The following RWDD3 variants were observed in gnomAD, a reference collection of about 807,000 sequenced individuals.
RWDD3 encodes the protein RWD domain-containing protein 3.
A neutral mutation model predicts 26.5 loss-of-function variants in RWDD3; 30 were observed. The ratio of observed to expected loss-of-function variants is 1.13; its 90% CI spans 0.85 to 1.54. The LOEUF is 1.54. Among genes scored for constraint, RWDD3 ranks in the 40% most tolerant of loss-of-function variants. RWDD3 has a pLI of 0.00. For missense variants in RWDD3, 296 were observed against 309.1 expected, an observed-to-expected ratio of 0.96 and a Z score of 0.32; for synonymous variants, 113 against 114.5, an observed-to-expected ratio of 0.99 and a Z score of 0.09.
intron 1 of RWDD3, among the ~76,000 whole-genome samples, chr1:95,234,900 CT>C (rs575848316): frequency 2.2e-3 from 326 of 145,732 alleles, no homozygotes; most frequent in Admixed American, 2.0e-3. Flanking sequence ...TTTTCTGATA[CT>C]TTTTTTTTTT....
intron 1 of RWDD3, among the ~76,000 whole-genome samples, chr1:95,241,061 A>G (rs1680598006): frequency 6.6e-6 from 1 of 151,870 alleles, no homozygotes; most frequent in African/African-American, 2.4e-5. Flanking sequence ...AAGCAAACAA[A>G]AACAAAAAAC....
intron 1 of RWDD3, among the ~76,000 whole-genome samples, chr1:95,237,914 C>A (rs1571840664): frequency 6.6e-6 from 1 of 152,158 alleles, no homozygotes. Context: ...GAAAATAGTT[C>A]TTGGAAAGCA....
intron 1 of RWDD3, among the ~76,000 whole-genome samples, chr1:95,235,136 T>C (rs1240418489): frequency 6.6e-6 from 1 of 151,506 alleles, no homozygotes; most frequent in Non-Finnish European, 1.5e-5. Flanking sequence ...AACCTCCGCC[T>C]CCCGGGTTCA....
chr1:95,242,605 A>G (rs964994679), intron 1 of RWDD3, among the ~76,000 whole-genome samples: 1 of 152,210 alleles, frequency 6.6e-6, no homozygotes, highest in Non-Finnish European at 1.5e-5. Flanking sequence ...CTTTAACAAT[A>G]AAGTATTTTT....
At position 95,246,875 on chromosome 1, in the gene RWDD3, G is replaced by C. The variant is rs769132189; in HGVS notation, c.*5G>C. Reference sequence around the variant, plus strand: ...GTACTTGCTCTGGTAAAATGAAATGGAAGACAGGAATCTTTTAGTAAAATA... The same window carrying C: ...GTACTTGCTCTGGTAAAATGAAATGCAAGACAGGAATCTTTTAGTAAAATA... On this transcript the variant is annotated 3_prime_UTR_variant, in exon 4 of 4. Transcript: ENST00000370202. 6.2e-6 allele frequency: 9 copies of C among 1,463,078 alleles called. No individual in the cohort carries two copies. Among genetic ancestry groups the C allele is most frequent in the African/African-American group, 1.4e-5 (1 of 69,154 alleles). 90.6% of individuals were successfully genotyped at this position (1,463,078 alleles called of 1,614,324 possible).
chr1:95,234,222 C>A lies in RWDD3; in HGVS notation c.-9C>A, dbSNP rs1320180791. 1.3e-6 allele frequency: 2 copies of A among 1,579,310 alleles called. No individual in the cohort carries two copies. Among genetic ancestry groups the A allele is most frequent in the African/African-American group, 1.3e-5 (1 of 74,252 alleles). On this transcript the variant is annotated 5_prime_UTR_variant, in exon 1 of 4. Transcript: ENST00000370202. Reference sequence around the variant, plus strand: ...AAGGGGAAGCGCTGAGGCGGTGGGGCCCACAGCCATGGCGGAGCCTGTGCA... The same window carrying A: ...AAGGGGAAGCGCTGAGGCGGTGGGGACCACAGCCATGGCGGAGCCTGTGCA...
intron 1 of RWDD3, chr1:95,237,431 C>G (rs1680407924): frequency 6.6e-6 from 1 of 151,808 alleles, no homozygotes; most frequent in Non-Finnish European, 1.5e-5. Context: ...AAGACTCAGA[C>G]TGCTAACCCA....
intron 1 of RWDD3, among the ~76,000 whole-genome samples, chr1:95,240,298 T>A (rs1238049500): frequency 6.6e-6 from 1 of 152,216 alleles, no homozygotes; most frequent in Non-Finnish European, 1.5e-5. Flanking sequence ...AAGAGCTGTA[T>A]GACTGTACAA....
intron 1 of RWDD3, chr1:95,239,812 T>G: frequency 7.8e-7 from 1 of 1,287,480 alleles, no homozygotes; most frequent in Non-Finnish European, 1.0e-6. Flanking sequence ...TGAAAATTGG[T>G]AAGGACTGAC....
Position 95,246,630 on chromosome 1 carries a change from A to C in RWDD3, c.662A>C (p.Glu221Ala). ...GAGAAAATGATTAGTGTACTGTTTGAAACAAAAGTACAGACAGAACACAAA... is the reference window on the plus strand; with the variant it reads ...GAGAAAATGATTAGTGTACTGTTTGCAACAAAAGTACAGACAGAACACAAA... The part of the protein sequence containing the change: ...CKEKMISVLF[E>A]TKVQTEHKRF... Residue 221 changes from glutamate (E) to alanine (A), a missense_variant, in exon 3 of 4, where the codon GAA (glutamate) becomes GCA (alanine). Transcript: ENST00000370202. 1 of 1,609,892 alleles carries C rather than the reference A, an allele frequency of 6.2e-7. No individual in the cohort carries two copies. The highest frequency in any genetic ancestry group is 8.5e-7 in the Non-Finnish European group (1 of 1,176,764).
chr1:95,245,241 A>G lies in RWDD3; in HGVS notation c.573+543A>G, dbSNP rs74853228. Reference sequence around the variant, plus strand: ...TAGGGCTGTCAACTTGTCACCTCCTACCTAACTTTTGCTTTCCACCTGACT... The same window carrying G: ...TAGGGCTGTCAACTTGTCACCTCCTGCCTAACTTTTGCTTTCCACCTGACT... On this transcript the variant is annotated intron_variant, in intron 2 of 3. Coordinates refer to ENST00000370202, the MANE Select transcript of RWDD3 (RefSeq NM_015485.5). 4.7e-3 allele frequency among the ~76,000 whole-genome samples: 712 copies of G among 152,250 alleles called. 7 individuals carry two copies. Among genetic ancestry groups the G allele is most frequent in the Non-Finnish European group, 7.7e-3 (527 of 68,008 alleles).
At chr1:95,234,712 T>C (rs1235414752) in intron 1 of RWDD3, among the ~76,000 whole-genome samples, 1 of 151,170 alleles carries the variant, frequency 6.6e-6, no homozygotes, top group African/African-American at 2.4e-5. Context: ...CCGAGAGCAC[T>C]CCCCGGTTCT....
At chr1:95,234,454 C>T (rs1680194785) in intron 1 of RWDD3, 139 bp downstream of exon 1, 4 of 773,490 alleles carry the variant, frequency 5.2e-6, no homozygotes, top group Non-Finnish European at 8.4e-6. Context: ...GATGGAATGA[C>T]ACGCCCGGAG....
rs554743827 is a variant in RWDD3, at chr1:95,244,435, G to T, written c.310G>T (p.Val104Phe). The T allele has an allele frequency of 2.5e-6, 4 of 1,614,186 alleles. No individual in the cohort carries two copies. The highest frequency in any genetic ancestry group is 3.4e-6 in the Non-Finnish European group (4 of 1,180,020). Residue 104 changes from valine to phenylalanine, a missense_variant, in exon 2 of 4, where the codon GTT (valine) becomes TTT (phenylalanine). Physicochemically the swap from Val to Phe is conservative, Grantham distance 50. Transcript: ENST00000370202. ...GTCGGAGCCTATGGTTCATGAGCTG[G>T]TTCTCTGGATTCAGCAGAATCTCAG... ...LLSEPMVHEL[V>F]LWIQQNLRHI...
At chr1:95,237,837 G>A (rs769264793) in intron 1 of RWDD3, among the ~76,000 whole-genome samples, 4 of 152,194 alleles carry the variant, frequency 2.6e-5, no homozygotes, top group Non-Finnish European at 5.9e-5. Context: ...TAACCACCAG[G>A]CTCCAGGTGT....
intron 1 of RWDD3, among the ~76,000 whole-genome samples, chr1:95,240,272 C>G (rs1680558361): frequency 1.3e-5 from 2 of 152,168 alleles, no homozygotes; most frequent in Admixed American, 1.3e-4. Context: ...TGATTACAAG[C>G]TACTAGCACA....
Position 95,247,199 on chromosome 1 carries a change from T to C in RWDD3, c.*329T>C, listed in dbSNP as rs76786702. 6.1e-6 allele frequency: 1 copy of C among 163,460 alleles called. No homozygotes were observed. The highest frequency in any genetic ancestry group is 1.7e-4 in the East Asian group (1 of 5,824). 10.1% of individuals were successfully genotyped at this position (163,460 alleles called of 1,614,324 possible). On this transcript the variant is annotated 3_prime_UTR_variant, in exon 4 of 4. Coordinates refer to ENST00000370202, the MANE Select transcript of RWDD3 (RefSeq NM_015485.5). ...TATGTAATTTTCTGGCTAATTTTCT[T>C]GTAATTAAATGATTTTTTAAAAAAG... is the stretch of plus-strand genomic sequence containing the variant.
At chr1:95,242,170 T>C (rs1680660103) in intron 1 of RWDD3, among the ~76,000 whole-genome samples, 1 of 152,228 alleles carries the variant, frequency 6.6e-6, no homozygotes, top group Admixed American at 6.5e-5. Context: ...CCTGGAGAAT[T>C]ATCTACCAAC....
chr1:95,241,938 A>T (rs1423765920), intron 1 of RWDD3, among the ~76,000 whole-genome samples: 1 of 152,208 alleles, frequency 6.6e-6, no homozygotes, highest in African/African-American at 2.4e-5. Context: ...TGAGTAAACA[A>T]GCTATTTAGG....
Sources: gnomAD v4.1 joint callset for allele counts (sites outside exome capture counted in the v4.1 genomes callset) on GRCh38, gnomAD v4.1.1 for gene constraint, MANE v1.5 for transcripts, NCBI Gene and HGNC (gene_info 2026-07-23, HGNC 2026-07-21) for gene names.